The following AMZ1 variants were observed in gnomAD, a reference collection of about 807,000 sequenced individuals.
The protein encoded by AMZ1 is archaemetzincin-1.
Under a neutral mutation model 29.9 loss-of-function variants are expected in AMZ1, and 39 were observed. The ratio of observed to expected loss-of-function variants is 1.30; its 90% CI spans 1.01 to 1.70. AMZ1 has a LOEUF of 1.70. Ranked by LOEUF, AMZ1 falls within the 40% of genes most tolerant of loss-of-function variation. The pLI is 0.00. For synonymous variants in AMZ1, 458 were observed against 304.0 expected (o/e 1.51, Z -5.27); for missense variants, 1,041 against 680.6 (o/e 1.53, Z -5.89).
intron 4 of AMZ1, chr7:2,733,636 G>A (rs1790013128): frequency 2.9e-6 from 2 of 682,366 alleles, no homozygotes; most frequent in Non-Finnish European, 5.4e-6. Flanking sequence ...AAAAGGCAGA[G>A]AGTGTCCGTG....
intron 4 of AMZ1, among the ~76,000 whole-genome samples, chr7:2,726,102 C>A (rs780862624): frequency 6.6e-6 from 1 of 152,196 alleles, no homozygotes; most frequent in African/African-American, 2.4e-5. Context: ...GCAATCATTT[C>A]GGAAAGAGAC....
intron 1 of AMZ1, among the ~76,000 whole-genome samples, chr7:2,680,591 C>T (rs1276278412): frequency 6.6e-6 from 1 of 152,234 alleles, no homozygotes; most frequent in Non-Finnish European, 1.5e-5. Context: ...TCATTTTCAC[C>T]CCCGACCCCA....
intron 4 of AMZ1, chr7:2,730,927 C>T (rs1250037127): frequency 6.1e-5 from 29 of 475,148 alleles, no homozygotes; most frequent in Non-Finnish European, 1.1e-4. Context: ...TTAGGTGTTC[C>T]GTATTCACAA....
chr7:2,725,478 C>T (rs529712167), intron 4 of AMZ1, among the ~76,000 whole-genome samples: 2 of 152,362 alleles, frequency 1.3e-5, no homozygotes, highest in South Asian at 4.1e-4. Flanking sequence ...GCCCTGAACA[C>T]CGCAAATAAC....
chr7:2,751,190 C>T (rs530713546), intron 4 of AMZ1, among the ~76,000 whole-genome samples: 2 of 151,906 alleles, frequency 1.3e-5, no homozygotes, highest in Non-Finnish European at 2.9e-5. Flanking sequence ...GAGTTCAAGA[C>T]CTGGGCAACA....
chr7:2,709,253 G>A lies in AMZ1; in HGVS notation c.771+9G>A, dbSNP rs370587760. 1.3e-6 allele frequency: 2 copies of A among 1,488,880 alleles called. No homozygotes were observed. The highest frequency in any genetic ancestry group is 1.8e-6 in the Non-Finnish European group (2 of 1,123,296). The allele number at this position is 1,488,880 out of a possible 1,614,324, so 92.2% of individuals were successfully genotyped here. ...TGGTTCAGTGCTGCAAGGTGGGTGG[G>A]GGCTCTGGGGCTGGTAAGAGGGGAC... On this transcript the variant is annotated intron_variant, in intron 5 of 6. Transcript: ENST00000683327.
At position 2,718,028 on chromosome 7, in the gene AMZ1, C is replaced by T. The variant is rs1401712236; in HGVS notation, c.*5150C>T. Among the ~76,000 whole-genome samples, 7 of 152,300 alleles carry T rather than the reference C, an allele frequency of 4.6e-5. No individual in the cohort carries two copies. In the East Asian group the frequency reaches 7.7e-4, roughly 17 times the overall value. ...GCTCCACAATGGCCCTCAGAGGGTC[C>T]GCGGCAGCCAGGCCCGTCCAACCTC... is the stretch of plus-strand genomic sequence containing the variant. On this transcript the variant is annotated 3_prime_UTR_variant, in exon 7 of 7. Coordinates refer to ENST00000683327, the MANE Select transcript of AMZ1 (RefSeq NM_001384743.1).
At chr7:2,708,901 A>G (rs1322685751) in intron 4 of AMZ1, among the ~76,000 whole-genome samples, 174 bp from the exon 5 acceptor site, 1 of 152,168 alleles carries the variant, frequency 6.6e-6, no homozygotes, top group Non-Finnish European at 1.5e-5. Context: ...GCTGTTCCTC[A>G]GCTGTGGCGT....
At chr7:2,744,039 A>T (rs1331734215) in intron 4 of AMZ1, among the ~76,000 whole-genome samples, 1 of 152,230 alleles carries the variant, frequency 6.6e-6, no homozygotes, top group Non-Finnish European at 1.5e-5. Context: ...AACTGGGTGG[A>T]GCCCACCACA....
chr7:2,682,219 C>T (rs575726534), intron 1 of AMZ1, among the ~76,000 whole-genome samples: 27 of 151,898 alleles, frequency 1.8e-4, no homozygotes, highest in South Asian at 4.2e-4. Flanking sequence ...GGCCTCCCCC[C>T]GCTCTTCGTG....
In AMZ1 at chr7:2,716,857, G is replaced by A. The variant is rs1343137574; in HGVS notation, c.*3979G>A. On this transcript the variant is annotated 3_prime_UTR_variant, in exon 7 of 7. Coordinates refer to ENST00000683327, the MANE Select transcript of AMZ1 (RefSeq NM_001384743.1). ...CAGATGGCTGCATCCCCACCATATG[G>A]CTGTGGCTGTCGAGATGGGACTGGG... 6.6e-6 allele frequency among the ~76,000 whole-genome samples: 1 copy of A among 152,232 alleles called. No homozygotes were observed. The highest frequency in any genetic ancestry group is 1.5e-5 in the Non-Finnish European group (1 of 68,044).
In AMZ1 at chr7:2,714,623, C is replaced by G. The variant is rs906080168; in HGVS notation, c.*1745C>G. ...TGTTGCTGCAAACAACCACCCAAAA[C>G]TTAGTGGCTTAAAATCACCACAGTC... On this transcript the variant is annotated 3_prime_UTR_variant, in exon 7 of 7. Transcript: ENST00000683327. 6 of 152,234 alleles carry G rather than the reference C, an allele frequency of 3.9e-5. No homozygotes were observed. Among genetic ancestry groups the G allele is most frequent in the African/African-American group, 7.2e-5 (3 of 41,456 alleles). The allele number at this position is 152,234 out of a possible 1,614,324, so 9.4% of individuals were successfully genotyped here.
chr7:2,763,320 G>C (rs1015656406), upstream of AMZ1: 4 of 169,220 alleles, frequency 2.4e-5, no homozygotes, highest in Non-Finnish European at 3.7e-5. Flanking sequence ...GCTTGCTGAC[G>C]GCACAAATGC....
intron 4 of AMZ1, among the ~76,000 whole-genome samples, chr7:2,738,661 CCTCT>C (rs766251194): frequency 5.3e-5 from 8 of 151,706 alleles, no homozygotes; most frequent in African/African-American, 1.7e-4. Flanking sequence ...CAGGAGTAGC[CCTCT>C]CTGAGTATGT....
chr7:2,720,927 C>G (rs1463033527), downstream of AMZ1, among the ~76,000 whole-genome samples: 2 of 152,196 alleles, frequency 1.3e-5, no homozygotes, highest in African/African-American at 2.4e-5. Flanking sequence ...AATCCTACTG[C>G]CTCGGGCTCA....
intron 4 of AMZ1, among the ~76,000 whole-genome samples, chr7:2,736,764 A>C (rs798521): frequency 3.9e-5 from 6 of 151,972 alleles, no homozygotes; most frequent in Non-Finnish European, 7.4e-5. Flanking sequence ...GCCGCTCAGA[A>C]CTCCGTCAGC....
chr7:2,694,952 C>T (rs543561691), intron 1 of AMZ1, among the ~76,000 whole-genome samples: 2 of 152,238 alleles, frequency 1.3e-5, no homozygotes, highest in South Asian at 2.1e-4. Flanking sequence ...GGATTCCAGG[C>T]GTGAGCCATC....
chr7:2,708,947 G>T, intron 4 of AMZ1, 128 bp from the exon 5 acceptor site: 1 of 1,318,618 alleles, frequency 7.6e-7, no homozygotes. Context: ...GGCAGGACAG[G>T]GCCTCCCAGG....
rs798471 is a variant in AMZ1, at chr7:2,702,248, A to G, written c.305-474A>G. On this transcript the variant is annotated intron_variant, in intron 2 of 6. Coordinates refer to ENST00000683327, the MANE Select transcript of AMZ1 (RefSeq NM_001384743.1). ...GCTACTCTGCCCCAGCCAGGCTGGCATTTTGCAGCCATGCAGCCTGGCTCT... is the reference window on the plus strand; with the variant it reads ...GCTACTCTGCCCCAGCCAGGCTGGCGTTTTGCAGCCATGCAGCCTGGCTCT... 1,379 of 155,170 alleles carry G rather than the reference A, an allele frequency of 8.9e-3. 10 individuals carry two copies. Among genetic ancestry groups the G allele is most frequent in the Non-Finnish European group, 0.016 (1,099 of 70,670 alleles). The allele number at this position is 155,170 out of a possible 1,614,324, so 9.6% of individuals were successfully genotyped here. A position where few individuals can be genotyped will look rare whatever the true frequency, so the allele number is the denominator to read the frequency against.
Sources: gnomAD v4.1 joint callset for allele counts (sites outside exome capture counted in the v4.1 genomes callset) on GRCh38, gnomAD v4.1.1 for gene constraint, MANE v1.5 for transcripts, NCBI Gene and HGNC (gene_info 2026-07-23, HGNC 2026-07-21) for gene names.